The following LRMDA variants were observed in gnomAD, a reference collection of about 807,000 sequenced individuals.
The protein encoded by LRMDA is leucine-rich melanocyte differentiation-associated protein.
A neutral mutation model predicts 29.8 loss-of-function variants in LRMDA; 18 were observed. The observed-to-expected ratio is 0.60, with a 90% confidence interval of 0.42 to 0.90. The LOEUF is 0.90. Among genes scored for constraint, LRMDA ranks in the 40% least tolerant of loss-of-function variants. The pLI is 0.00. For missense variants in LRMDA, 273 were observed against 273.9 expected (o/e 1.00, Z 0.02); for synonymous variants, 125 against 109.4 (o/e 1.14, Z -0.89).
Position 76,382,942 on chromosome 10 carries a change from G to T in LRMDA, c.601+58457G>T, listed in dbSNP as rs189081287. ...GAGAAATACAGCCAGCACACTGTTT[G>T]TAAGTGCCTTTTTCCCATTACAGTT... On this transcript the variant is annotated intron_variant, in intron 6 of 6. Transcript: ENST00000611255. Among the ~76,000 whole-genome samples the T allele has an allele frequency of 3.0e-3, 454 of 152,342 alleles. 1 individual carries two copies. Among genetic ancestry groups the T allele is most frequent in the Non-Finnish European group, 4.0e-3 (271 of 68,030 alleles).
intron 5 of LRMDA, among the ~76,000 whole-genome samples, chr10:76,160,739 T>C (rs895607181): frequency 6.6e-6 from 1 of 152,144 alleles, no homozygotes; most frequent in African/African-American, 2.4e-5. Flanking sequence ...GAGACCATGA[T>C]AGGTTGGACT....
chr10:76,355,433 A>G (rs1589148875), intron 6 of LRMDA, among the ~76,000 whole-genome samples: 1 of 152,194 alleles, frequency 6.6e-6, no homozygotes, highest in East Asian at 1.9e-4. Flanking sequence ...CAATATGAGA[A>G]TGGATTAATT....
chr10:76,453,262 G>C (rs1842424805), intron 6 of LRMDA, among the ~76,000 whole-genome samples: 1 of 152,096 alleles, frequency 6.6e-6, no homozygotes, highest in South Asian at 2.1e-4. Context: ...ATATTTGCTG[G>C]GATTCTGCCA....
chr10:75,525,239 C>T (rs1260431032), intron 2 of LRMDA, among the ~76,000 whole-genome samples: 2 of 152,112 alleles, frequency 1.3e-5, no homozygotes, highest in Non-Finnish European at 2.9e-5. Context: ...TATTTGCTTA[C>T]CAGTTGGCAG....
intron 1 of LRMDA, among the ~76,000 whole-genome samples, chr10:75,434,090 C>T (rs1404563684): frequency 2.0e-5 from 3 of 152,156 alleles, no homozygotes; most frequent in Non-Finnish European, 4.4e-5. Flanking sequence ...CATTTATGTT[C>T]AGCATTAAGT....
chr10:75,597,151 C>A (rs141517086), intron 2 of LRMDA, among the ~76,000 whole-genome samples: 1 of 152,110 alleles, frequency 6.6e-6, no homozygotes, highest in Admixed American at 6.5e-5. Flanking sequence ...GCCTAAAAAT[C>A]ATCTCCAAAT....
At chr10:75,752,433 G>C (rs1214267304) in intron 2 of LRMDA, among the ~76,000 whole-genome samples, 2 of 152,066 alleles carry the variant, frequency 1.3e-5, no homozygotes, top group Non-Finnish European at 2.9e-5. Context: ...GGATGCTCTT[G>C]ATCTCCTGAC....
At chr10:76,429,398 C>G (rs991001232) in intron 6 of LRMDA, among the ~76,000 whole-genome samples, 1 of 152,108 alleles carries the variant, frequency 6.6e-6, no homozygotes, top group African/African-American at 2.4e-5. Flanking sequence ...TATTTCTCCC[C>G]TTATGAAGAT....
intron 2 of LRMDA, among the ~76,000 whole-genome samples, chr10:75,552,050 G>A (rs1444314553): frequency 1.3e-5 from 2 of 148,992 alleles, no homozygotes; most frequent in Non-Finnish European, 2.9e-5. Flanking sequence ...CTAGGCAACA[G>A]AGTTAGACCG....
intron 2 of LRMDA, among the ~76,000 whole-genome samples, chr10:75,671,811 C>T (rs1259529790): frequency 2.0e-5 from 3 of 152,208 alleles, no homozygotes; most frequent in East Asian, 1.9e-4. Flanking sequence ...CCCCTAAGCC[C>T]GTGTGCATCT....
At chr10:76,376,101 T>A (rs1841514264) in intron 6 of LRMDA, among the ~76,000 whole-genome samples, 1 of 152,078 alleles carries the variant, frequency 6.6e-6, no homozygotes, top group South Asian at 2.1e-4. Context: ...AACACCCAAA[T>A]AGTGTATATC....
At chr10:76,541,979 T>C (rs951473827) in intron 6 of LRMDA, among the ~76,000 whole-genome samples, 4 of 152,140 alleles carry the variant, frequency 2.6e-5, no homozygotes, top group Non-Finnish European at 4.4e-5. Flanking sequence ...TTTAAATGAG[T>C]CATACTTGCG....
intron 2 of LRMDA, among the ~76,000 whole-genome samples, chr10:75,801,344 G>A (rs969651621): frequency 6.6e-6 from 1 of 152,208 alleles, no homozygotes; most frequent in African/African-American, 2.4e-5. Context: ...AAGGCAGTGA[G>A]ACTGAAGCTT....
chr10:75,815,958 T>C (rs1844051708), intron 2 of LRMDA, among the ~76,000 whole-genome samples: 1 of 152,208 alleles, frequency 6.6e-6, no homozygotes, highest in Non-Finnish European at 1.5e-5. Context: ...ATTGTATCTC[T>C]AGTAAGGAGC....
chr10:75,516,300 A>G lies in LRMDA; in HGVS notation c.131+77806A>G, dbSNP rs185036159. On this transcript the variant is annotated intron_variant, in intron 2 of 6. Transcript: ENST00000611255. Reference sequence around the variant, plus strand: ...GCCACACTGTCTTCCACAATGGTTCAACTAATTTACACTCCCACCAACAGT... The same window carrying G: ...GCCACACTGTCTTCCACAATGGTTCGACTAATTTACACTCCCACCAACAGT... 1.1e-4 allele frequency among the ~76,000 whole-genome samples: 16 copies of G among 152,314 alleles called. No homozygotes were observed. The East Asian group carries it at 2.5e-3, about 24-fold the overall frequency.
At chr10:75,847,212 G>GTGTGTA (rs1844653816) in intron 2 of LRMDA, among the ~76,000 whole-genome samples, 1 of 152,120 alleles carries the variant, frequency 6.6e-6, no homozygotes, top group African/African-American at 2.4e-5. Context: ...TGTGTGTATG[G>GTGTGTA]TCAAATGATT....
intron 5 of LRMDA, among the ~76,000 whole-genome samples, chr10:76,282,043 T>G (rs2132335333): frequency 6.6e-6 from 1 of 152,308 alleles, no homozygotes; most frequent in African/African-American, 2.4e-5. Context: ...GCCTCTGTAA[T>G]TATAGAAAGT....
rs74760199 is a variant in LRMDA, at chr10:75,756,633, T to G, written c.132-279375T>G. 3.1e-3 allele frequency among the ~76,000 whole-genome samples: 475 copies of G among 152,314 alleles called. 1 individual carries two copies. The highest frequency in any genetic ancestry group is 6.8e-3 in the Middle Eastern group (2 of 294). ...GAGCCTTAATGAACAATAATAGTGATGAGGATAGAATTATTGGGTGCTTTC... is the reference window on the plus strand; with the variant it reads ...GAGCCTTAATGAACAATAATAGTGAGGAGGATAGAATTATTGGGTGCTTTC... On this transcript the variant is annotated intron_variant, in intron 2 of 6. Transcript: ENST00000611255.
chr10:76,181,937 A>G lies in LRMDA; in HGVS notation c.516+123154A>G, dbSNP rs115695563. On this transcript the variant is annotated intron_variant, in intron 5 of 6. Transcript: ENST00000611255. ...TGAGTTTTAGGATGGCAGAAATGCA[A>G]CCTTAACTTTCTATTCAGCACCTTT... Among the ~76,000 whole-genome samples the G allele has an allele frequency of 3.1e-3, 478 of 152,314 alleles. 2 individuals carry two copies. The highest frequency in any genetic ancestry group is 8.3e-3 in the African/African-American group (343 of 41,556).
Sources: gnomAD v4.1 joint callset for allele counts (sites outside exome capture counted in the v4.1 genomes callset) on GRCh38, gnomAD v4.1.1 for gene constraint, MANE v1.5 for transcripts, NCBI Gene and HGNC (gene_info 2026-07-23, HGNC 2026-07-21) for gene names.